The following ANKRD18B variants were observed in gnomAD, a reference collection of about 807,000 sequenced individuals.
ANKRD18B encodes ankyrin repeat domain-containing protein 18B.
ANKRD18B carries 75 observed loss-of-function variants against 111.8 expected under a neutral mutation model. That is an observed-to-expected ratio of 0.67 (90% CI 0.56 to 0.81). ANKRD18B has a LOEUF of 0.81. Among genes scored for constraint, ANKRD18B ranks in the 40% least tolerant of loss-of-function variants. The pLI, the probability that ANKRD18B is intolerant of heterozygous loss-of-function variation, is 0.00. For synonymous variants in ANKRD18B, 356 were observed against 417.3 expected (o/e 0.85, Z 1.79); for missense variants, 1,038 against 1,225.5 (o/e 0.85, Z 2.28).
In ANKRD18B at chr9:33,529,007, A is replaced by C; in HGVS notation, c.329A>C (p.His110Pro). The stretch of plus-strand genomic sequence containing the variant: ...TTTATCTAACACTAATAGGCTGTAC[A>C]CTGCCAGGAAGAGGCTTGTGCCATT... ...LNRTPLMKAV[H>P]CQEEACAIIL... Residue 110 changes from histidine (H) to proline (P), a missense_variant, in exon 3 of 19, where the codon CAC becomes CCC. His to Pro is a moderately conservative substitution (Grantham distance 77). Transcript: ENST00000684830. The C allele has an allele frequency of 6.2e-7, 1 of 1,612,656 alleles. No homozygotes were observed. Among genetic ancestry groups the C allele is most frequent in the Non-Finnish European group, 8.5e-7 (1 of 1,179,872 alleles).
Position 33,566,328 on chromosome 9 carries a change from A to G in ANKRD18B, c.2570A>G (p.Glu857Gly). The change falls in exon 15 of 19, where the codon GAG (glutamate) becomes GGG (glycine). Residue 857 changes from glutamate to glycine, a missense_variant. Around this residue, in one of 4 missense-constraint regions of ANKRD18B, gnomAD observed 524 missense variants for 677.9 expected, o/e 0.77. Coordinates refer to ENST00000684830, the MANE Select transcript of ANKRD18B (RefSeq NM_001393611.1). ...QELLSMGKVQ[E>G]KCEKLEKDKK... ...TTATTATCTATGGGAAAAGTACAAGAGAAATGTGAAAAACTTGAGAAGGAT... is the reference window on the plus strand; with the variant it reads ...TTATTATCTATGGGAAAAGTACAAGGGAAATGTGAAAAACTTGAGAAGGAT... 1 of 1,564,918 alleles carries G rather than the reference A, an allele frequency of 6.4e-7. No homozygotes were observed. Among genetic ancestry groups the G allele is most frequent in the Non-Finnish European group, 8.7e-7 (1 of 1,151,984 alleles).
At position 33,572,755 on chromosome 9, in the gene ANKRD18B, C is replaced by A; in HGVS notation, c.*321C>A. The A allele has an allele frequency of 1.0e-6, 1 of 1,002,874 alleles. No individual in the cohort carries two copies. The highest frequency in any genetic ancestry group is 1.2e-6 in the Non-Finnish European group (1 of 838,556). The allele number at this position is 1,002,874 out of a possible 1,614,324, so 62.1% of individuals were successfully genotyped here. ...TTTTATTACCATATATAGTAGGAGA[C>A]TTAAAGAGTATCTGCCAGGTTTGTC... is the stretch of plus-strand genomic sequence containing the variant. On this transcript the variant is annotated 3_prime_UTR_variant, in exon 19 of 19. Coordinates refer to ENST00000684830, the MANE Select transcript of ANKRD18B (RefSeq NM_001393611.1).
intron 17 of ANKRD18B, among the ~76,000 whole-genome samples, chr9:33,569,552 G>T (rs1828738512): frequency 6.6e-6 from 1 of 151,912 alleles, no homozygotes; most frequent in Non-Finnish European, 1.5e-5. Flanking sequence ...GAGCCTCTGT[G>T]CCCAGCCCAT....
chr9:33,557,812 CA>C (rs201390188), intron 13 of ANKRD18B, among the ~76,000 whole-genome samples: 39 of 146,448 alleles, frequency 2.7e-4, no homozygotes, highest in African/African-American at 7.0e-4. Context: ...AAAACAAAAA[CA>C]AAAAAAAAAC....
intron 9 of ANKRD18B, among the ~76,000 whole-genome samples, chr9:33,542,338 T>C (rs1289068737): frequency 1.3e-5 from 2 of 148,434 alleles, no homozygotes; most frequent in African/African-American, 4.9e-5. Context: ...GATAGCCAGA[T>C]TCAGGGAGGA....
At chr9:33,565,690 C>G (rs550692618) in intron 14 of ANKRD18B, among the ~76,000 whole-genome samples, 9 of 151,900 alleles carry the variant, frequency 5.9e-5, no homozygotes, top group Non-Finnish European at 1.2e-4. Flanking sequence ...TCTGGCTGAT[C>G]TCAAATTCCT....
chr9:33,562,503 A>G (rs1828621859), intron 14 of ANKRD18B, among the ~76,000 whole-genome samples: 1 of 152,164 alleles, frequency 6.6e-6, no homozygotes. Context: ...TTCTTGGAAT[A>G]AAAAGTTTAA....
chr9:33,548,747 G>A lies in ANKRD18B; in HGVS notation c.1959G>A (p.Glu653=). ...IVINIHRDCL[E]NGKEDLLEER... is the part of the protein sequence containing the mutation. The stretch of plus-strand genomic sequence containing the variant: ...TTAATATCCACAGAGACTGTCTTGA[G>A]AATGGAAAGGAAGATCTTCTAGAAG... Residue 653 remains glutamate, a synonymous_variant, in exon 11 of 19, where the codon GAG becomes GAA. Transcript: ENST00000684830. 6.4e-7 allele frequency: 1 copy of A among 1,550,626 alleles called. No individual in the cohort carries two copies. Among genetic ancestry groups the A allele is most frequent in the Non-Finnish European group, 8.7e-7 (1 of 1,146,444 alleles).
Position 33,548,602 on chromosome 9 carries a change from A to G in ANKRD18B, c.1814A>G (p.Gln605Arg). Reference protein sequence around the residue: ...MHPNGEAKESQSIGKQNSSEE... With the variant: ...MHPNGEAKESRSIGKQNSSEE... ...CCAAATGGGGAAGCTAAAGAAAGTC[A>G]ATCCATTGGAAAGCAGAACTCTTCA... Residue 605 changes from glutamine to arginine, a missense_variant, in exon 11 of 19, where the codon CAA becomes CGA. Gln to Arg is a conservative substitution (Grantham distance 43). Coordinates refer to ENST00000684830, the MANE Select transcript of ANKRD18B (RefSeq NM_001393611.1). 1.9e-6 allele frequency: 3 copies of G among 1,551,382 alleles called. No homozygotes were observed. Among genetic ancestry groups the G allele is most frequent in the Non-Finnish European group, 2.6e-6 (3 of 1,146,688 alleles).
intron 6 of ANKRD18B, among the ~76,000 whole-genome samples, chr9:33,538,159 T>G (rs529265647): frequency 5.0e-4 from 76 of 152,316 alleles, no homozygotes; most frequent in African/African-American, 1.7e-3. Context: ...AATCCCTTTC[T>G]GACACCATAA....
intron 15 of ANKRD18B, 108 bp downstream of exon 15, chr9:33,566,608 G>T (rs1457779684): frequency 1.5e-6 from 2 of 1,344,190 alleles, no homozygotes; most frequent in Admixed American, 3.0e-5. Context: ...CTCTCTTACG[G>T]CAATTTCCTT....
chr9:33,541,288 T>C, intron 9 of ANKRD18B, 61 bp downstream of exon 9: 2 of 1,515,522 alleles, frequency 1.3e-6, no homozygotes, highest in Non-Finnish European at 1.8e-6. Flanking sequence ...CAAGGGAAGC[T>C]TCAGCCGTAG....
rs1215258344 is a variant in ANKRD18B at position 33,524,253 on chromosome 9, T to C, written c.-237T>C. The C allele has an allele frequency of 1.9e-6, 2 of 1,062,888 alleles. No individual in the cohort carries two copies. Among genetic ancestry groups the C allele is most frequent in the Non-Finnish European group, 2.4e-6 (2 of 833,748 alleles). The allele number at this position is 1,062,888 out of a possible 1,614,324, so 65.8% of individuals were successfully genotyped here. A position where few individuals can be genotyped will look rare whatever the true frequency, so the allele number is the denominator to read the frequency against. On this transcript the variant is annotated 5_prime_UTR_variant, in exon 1 of 19. Transcript: ENST00000684830. ...GTAGGCGCGCGCCTAACCGCTTTAC[T>C]GGGCTCACTCTATCGAGAGGTCGGA... is the stretch of plus-strand genomic sequence containing the variant.
Position 33,526,687 on chromosome 9 carries a change from T to C in ANKRD18B, c.206+1992T>C, listed in dbSNP as rs1828029817. 4.6e-5 allele frequency among the ~76,000 whole-genome samples: 7 copies of C among 152,316 alleles called. No individual in the cohort carries two copies. The South Asian group carries it at 1.4e-3, about 32-fold the overall frequency. On this transcript the variant is annotated intron_variant, in intron 1 of 18. Transcript: ENST00000684830. ...AGGGTTGTTATCTTGTTTGAACTTT[T>C]AGCTTCTTCAGAAGTAAAAAGGGAA...
chr9:33,541,266 G>C, intron 9 of ANKRD18B, 39 bp downstream of exon 9: 1 of 1,522,836 alleles, frequency 6.6e-7, no homozygotes, highest in Non-Finnish European at 8.8e-7. Flanking sequence ...ACCATGTAAA[G>C]AGACTGGGAG....
At chr9:33,541,091 G>A in intron 8 of ANKRD18B, 56 bp from the exon 9 acceptor site, 3 of 1,533,306 alleles carry the variant, frequency 2.0e-6, no homozygotes, top group Non-Finnish European at 2.6e-6. Flanking sequence ...CAGGTAAGGA[G>A]GCAGAGGGAT....
chr9:33,558,213 C>G, intron 14 of ANKRD18B, 26 bp downstream of exon 14: 1 of 1,582,742 alleles, frequency 6.3e-7, no homozygotes, highest in Non-Finnish European at 8.6e-7. Context: ...ATTATTTTAT[C>G]TTAAGGTCTA....
At chr9:33,528,199 G>T (rs1828054446) in intron 1 of ANKRD18B, among the ~76,000 whole-genome samples, 1 of 152,206 alleles carries the variant, frequency 6.6e-6, no homozygotes, top group Non-Finnish European at 1.5e-5. Context: ...TATTCAGGAG[G>T]CTGGGGCAGG....
At chr9:33,571,190 T>A in intron 17 of ANKRD18B, 56 bp from the exon 18 acceptor site, 1 of 735,266 alleles carries the variant, frequency 1.4e-6, no homozygotes. Flanking sequence ...AATCTCATGA[T>A]AATGTCTCTT....
Sources: allele counts gnomAD v4.1 joint callset (sites outside exome capture counted in the v4.1 genomes callset), GRCh38; gene constraint gnomAD v4.1.1; regional missense constraint gnomAD v4.1.1; transcripts MANE v1.5; gene names NCBI Gene and HGNC (gene_info 2026-07-23, HGNC 2026-07-21).